The following HSF5 variants were observed in gnomAD, a reference collection of about 807,000 sequenced individuals.
HSF5 encodes the protein heat shock transcription factor 5.
HSF5 carries 5 observed loss-of-function variants against 50.8 expected under a neutral mutation model. The observed-to-expected ratio is 0.10, with a 90% CI of 0.05 to 0.21. The LOEUF is 0.21. HSF5 is among the 10% of genes least tolerant of loss of function. The probability of loss-of-function intolerance (pLI) is 1.00; values close to 1 mark genes in which losing one functional copy is unlikely to be tolerated. For missense variants in HSF5, 564 were observed against 762.6 expected (o/e 0.74, Z 3.07); for synonymous variants, 307 against 307.4 (o/e 1.00, Z 0.02).
At chr17:58,460,476 T>TACACAC (rs1370231667) in intron 4 of HSF5, among the ~76,000 whole-genome samples, 8 of 114,742 alleles carry the variant, frequency 7.0e-5, no homozygotes, top group Non-Finnish European at 1.4e-4. Flanking sequence ...TATACATATA[T>TACACAC]ATACACACAC....
rs1269022378 is a variant in HSF5 at position 58,476,851 on chromosome 17, TTCAATTGCTTC to T, written c.925+3031_925+3041del. On this transcript the variant is annotated intron_variant, in intron 2 of 5. Transcript: ENST00000323777. Reference sequence around the variant, plus strand: ...TTTCATTTTGGATTTCATCAATGTGTTCAATTGCTTCTTGCTGTTTTTTTTTTCCTGAGGTC... The same window carrying T: ...TTTCATTTTGGATTTCATCAATGTGTTTGCTGTTTTTTTTTTCCTGAGGTC... 6 of 1,437,562 alleles carry T rather than the reference TTCAATTGCTTC, an allele frequency of 4.2e-6. No homozygotes were observed. In the African/African-American group the frequency reaches 8.5e-5, roughly 20 times the overall value. The allele number at this position is 1,437,562 out of a possible 1,614,324, so 89.1% of individuals were successfully genotyped here. A position where few individuals can be genotyped will look rare whatever the true frequency, so the allele number is the denominator to read the frequency against.
chr17:58,477,820 A>C (rs916723017), intron 2 of HSF5, among the ~76,000 whole-genome samples: 1 of 151,144 alleles, frequency 6.6e-6, no homozygotes, highest in Admixed American at 6.6e-5. Flanking sequence ...TTTTTTTTTA[A>C]TATTTAAAAT....
chr17:58,478,707 C>T lies in HSF5; in HGVS notation c.925+1186G>A, dbSNP rs554057215. Reference sequence around the variant, plus strand: ...TGAAACCCTGTCTCTACTAAAAATACAAAAAATTAGCCGGGTGTGGTGATG... The same window carrying T: ...TGAAACCCTGTCTCTACTAAAAATATAAAAAATTAGCCGGGTGTGGTGATG... On this transcript the variant is annotated intron_variant, in intron 2 of 5. Transcript: ENST00000323777. Among the ~76,000 whole-genome samples, 3 of 150,826 alleles carry T rather than the reference C, an allele frequency of 2.0e-5. No homozygotes were observed. The South Asian group carries it at 6.3e-4, about 31-fold the overall frequency.
intron 4 of HSF5, 142 bp downstream of exon 4, chr17:58,462,640 C>A (rs1268071167): frequency 2.5e-5 from 19 of 753,368 alleles, no homozygotes; most frequent in Non-Finnish European, 3.6e-5. Context: ...TGCAGAACCA[C>A]TGGGACATGA....
rs188143015 is a variant in HSF5 at position 58,430,464 on chromosome 17, A to G, written c.1721-8034T>C. Among the ~76,000 whole-genome samples the G allele has an allele frequency of 3.4e-3, 520 of 152,314 alleles. 4 individuals carry two copies. Among genetic ancestry groups the G allele is most frequent in the Non-Finnish European group, 3.6e-3 (247 of 68,020 alleles). Reference sequence around the variant, plus strand: ...ACTAGGTGGGGAAGATCTGCTCTCAATATGGGTAGGCACCATCCAGTCAGC... The same window carrying G: ...ACTAGGTGGGGAAGATCTGCTCTCAGTATGGGTAGGCACCATCCAGTCAGC... On this transcript the variant is annotated intron_variant, in intron 5 of 5. Transcript: ENST00000323777.
chr17:58,437,899 T>A lies in HSF5; in HGVS notation c.1721-15469A>T, dbSNP rs1437371499. ...CTTATTTTGAGTACCTTTGGGAATA[T>A]ACACATTTCTACAGGAGAGATTCCC... On this transcript the variant is annotated intron_variant, in intron 5 of 5. Coordinates refer to ENST00000323777, the MANE Select transcript of HSF5 (RefSeq NM_001080439.3). Among the ~76,000 whole-genome samples the A allele has an allele frequency of 2.6e-5, 4 of 152,346 alleles. No individual in the cohort carries two copies. In the East Asian group the frequency reaches 7.7e-4, roughly 29 times the overall value.
intron 5 of HSF5, among the ~76,000 whole-genome samples, chr17:58,436,270 T>C (rs1030538489): frequency 2.0e-5 from 3 of 152,202 alleles, no homozygotes; most frequent in African/African-American, 7.2e-5. Context: ...GACCAACTGC[T>C]AGGCCAAGGT....
At chr17:58,456,248 T>C (rs1190480446) in intron 5 of HSF5, among the ~76,000 whole-genome samples, 3 of 151,596 alleles carry the variant, frequency 2.0e-5, no homozygotes, top group African/African-American at 7.3e-5. Context: ...CAGAATGAAA[T>C]CTTGTCATTT....
intron 2 of HSF5, among the ~76,000 whole-genome samples, chr17:58,469,605 T>C (rs1172923486): frequency 6.6e-6 from 1 of 152,172 alleles, no homozygotes; most frequent in African/African-American, 2.4e-5. Flanking sequence ...TTACTGAATA[T>C]GAAAACCTAG....
At chr17:58,487,619 C>T (rs889334954) in intron 1 of HSF5, 106 bp downstream of exon 1, 4 of 1,297,132 alleles carry the variant, frequency 3.1e-6, no homozygotes, top group Non-Finnish European at 3.9e-6. Flanking sequence ...GGCGCCTTTC[C>T]GACGCCCATA....
At chr17:58,477,887 G>A (rs1975039044) in intron 2 of HSF5, among the ~76,000 whole-genome samples, 1 of 151,432 alleles carries the variant, frequency 6.6e-6, no homozygotes, top group Non-Finnish European at 1.5e-5. Context: ...TCTAACAAAA[G>A]ACCTCCAGAA....
At chr17:58,465,229 C>T (rs546577826) in intron 3 of HSF5, among the ~76,000 whole-genome samples, 1 of 145,212 alleles carries the variant, frequency 6.9e-6, no homozygotes, top group Admixed American at 7.0e-5. Context: ...ACTATGTTAC[C>T]CAGGCTCATC....
chr17:58,475,300 A>T (rs1974998098), intron 2 of HSF5, among the ~76,000 whole-genome samples: 1 of 152,244 alleles, frequency 6.6e-6, no homozygotes, highest in Admixed American at 6.5e-5. Flanking sequence ...TTTTGTGTGT[A>T]CACATTTAGT....
At chr17:58,457,695 C>T (rs1239272004) in intron 5 of HSF5, among the ~76,000 whole-genome samples, 3 of 152,224 alleles carry the variant, frequency 2.0e-5, no homozygotes, top group Admixed American at 2.0e-4. Context: ...AATGCCACTT[C>T]CAACAGATTT....
chr17:58,427,697 A>G (rs1403642656), intron 5 of HSF5, among the ~76,000 whole-genome samples: 1 of 152,220 alleles, frequency 6.6e-6, no homozygotes, highest in Non-Finnish European at 1.5e-5. Context: ...AAGATAAAAA[A>G]CATTTGGTCA....
intron 5 of HSF5, among the ~76,000 whole-genome samples, chr17:58,423,429 C>A (rs950289575): frequency 6.7e-6 from 1 of 150,008 alleles, no homozygotes; most frequent in Non-Finnish European, 1.5e-5. Context: ...CTTAAAGTGG[C>A]TTCTAGCTTC....
chr17:58,488,336 T>G lies in HSF5; in HGVS notation c.-62A>C, dbSNP rs1161708348. 1 of 1,373,746 alleles carries G rather than the reference T, an allele frequency of 7.3e-7. No homozygotes were observed. The highest frequency in any genetic ancestry group is 1.5e-5 in the African/African-American group (1 of 65,118). The allele number at this position is 1,373,746 out of a possible 1,614,324, so 85.1% of individuals were successfully genotyped here. On this transcript the variant is annotated 5_prime_UTR_variant, in exon 1 of 6. Coordinates refer to ENST00000323777, the MANE Select transcript of HSF5 (RefSeq NM_001080439.3). The surrounding 1 kb of genome is among the most constrained non-coding windows in gnomAD (Gnocchi z 4.1). ...GCTCTCCCACACCGTTCTCGATCCC[T>G]CCCCGGCCTTCGCCTCGCCCTGCCC...
At chr17:58,429,842 T>TAAA (rs60957147) in intron 5 of HSF5, among the ~76,000 whole-genome samples, 20,795 of 133,322 alleles carry the variant, frequency 0.16, 1,886 homozygotes, top group Middle Eastern at 0.22. Context: ...CAAGACTCTG[T>TAAA]AAAAAAAAAA....
Position 58,456,959 on chromosome 17 carries a change from TA to T in HSF5, c.1720+1808del, listed in dbSNP as rs567939126. Among the ~76,000 whole-genome samples the T allele has an allele frequency of 3.4e-4, 52 of 151,366 alleles. 1 individual carries two copies. In the South Asian group the frequency reaches 9.8e-3, roughly 29 times the overall value. On this transcript the variant is annotated intron_variant, in intron 5 of 5. Transcript: ENST00000323777. Reference sequence around the variant, plus strand: ...GCAACATAGTGAGACCCCATCTCTATAAAAAATGAAAAAAGGCAGCTGGGTG... The same window carrying T: ...GCAACATAGTGAGACCCCATCTCTATAAAAATGAAAAAAGGCAGCTGGGTG...
Sources: allele counts gnomAD v4.1 joint callset (sites outside exome capture counted in the v4.1 genomes callset), GRCh38; gene constraint gnomAD v4.1.1; non-coding constraint Gnocchi (gnomAD v3.1); transcripts MANE v1.5; gene names NCBI Gene and HGNC (gene_info 2026-07-23, HGNC 2026-07-21).